The following MEF2C variants were observed in gnomAD, a reference collection of about 807,000 sequenced individuals.
MEF2C encodes myocyte-specific enhancer factor 2C.
MEF2C carries 6 observed loss-of-function variants against 50.5 expected under a neutral mutation model. The ratio of observed to expected loss-of-function variants is 0.12; its 90% CI spans 0.07 to 0.23. The LOEUF is 0.23. MEF2C is among the 10% of genes least tolerant of loss of function. The probability of loss-of-function intolerance (pLI) is 1.00; values close to 1 mark genes in which losing one functional copy is unlikely to be tolerated. For synonymous variants in MEF2C, 183 were observed against 228.0 expected (o/e 0.80, Z 1.78); for missense variants, 276 against 605.0 (o/e 0.46, Z 5.70).
intron 5 of MEF2C, 115 bp from the exon 6 acceptor site, chr5:88,749,232 A>G (rs764614974): frequency 7.4e-5 from 96 of 1,289,532 alleles, no homozygotes; most frequent in Non-Finnish European, 9.1e-5. Flanking sequence ...AAACTTGTAA[A>G]GTACAACCCA....
At chr5:88,853,012 C>T (rs776671173) in intron 1 of MEF2C, among the ~76,000 whole-genome samples, 1 of 151,982 alleles carries the variant, frequency 6.6e-6, no homozygotes, top group Non-Finnish European at 1.5e-5. Flanking sequence ...TTGCTTGAAT[C>T]CACAATTTCA....
intron 1 of MEF2C, among the ~76,000 whole-genome samples, chr5:88,896,658 A>G (rs1835150007): frequency 6.6e-6 from 1 of 152,224 alleles, no homozygotes; most frequent in Non-Finnish European, 1.5e-5. Context: ...ATTTTATATT[A>G]AAAATCATCA....
intron 6 of MEF2C, chr5:88,737,716 A>G (rs1764716355): frequency 1.0e-6 from 1 of 985,272 alleles, no homozygotes; most frequent in East Asian, 1.1e-4. Context: ...AGAGTTTAGA[A>G]GGAGGGGCAT....
intron 1 of MEF2C, among the ~76,000 whole-genome samples, chr5:88,871,914 A>G (rs897894913): frequency 3.3e-5 from 5 of 152,086 alleles, no homozygotes; most frequent in Non-Finnish European, 7.4e-5. Context: ...AAATAGGATA[A>G]TAAGGGTAGC....
chr5:88,764,542 G>A (rs2152708115), intron 3 of MEF2C, among the ~76,000 whole-genome samples: 1 of 150,370 alleles, frequency 6.7e-6, no homozygotes, highest in South Asian at 2.1e-4. Flanking sequence ...AGGCGTGGTG[G>A]CTCTCGCCTG....
chr5:88,865,890 T>C (rs903502105), intron 1 of MEF2C, among the ~76,000 whole-genome samples: 1 of 151,652 alleles, frequency 6.6e-6, no homozygotes, highest in Non-Finnish European at 1.5e-5. Flanking sequence ...GTCACATTTC[T>C]TTTCTTTTTT....
intron 1 of MEF2C, among the ~76,000 whole-genome samples, chr5:88,882,685 G>A (rs891162829): frequency 1.3e-5 from 2 of 152,170 alleles, no homozygotes; most frequent in East Asian, 3.9e-4. Flanking sequence ...CTAACTTCAT[G>A]AAACTTTAAA....
At chr5:88,832,584 T>C (rs927901666) in intron 1 of MEF2C, among the ~76,000 whole-genome samples, 1 of 152,142 alleles carries the variant, frequency 6.6e-6, no homozygotes, top group African/African-American at 2.4e-5. Flanking sequence ...AAAAACAGCC[T>C]CATGAGGAGG....
intron 1 of MEF2C, among the ~76,000 whole-genome samples, chr5:88,849,316 C>G (rs1166480302): frequency 6.6e-6 from 1 of 152,166 alleles, no homozygotes; most frequent in African/African-American, 2.4e-5. Context: ...AGAGCCAGCA[C>G]ACATGATTTT....
chr5:88,834,335 A>G (rs531443317), intron 1 of MEF2C, among the ~76,000 whole-genome samples: 2 of 152,264 alleles, frequency 1.3e-5, no homozygotes, highest in African/African-American at 4.8e-5. Context: ...ACCCTGGCTA[A>G]GTCACTGTAA....
intron 3 of MEF2C, among the ~76,000 whole-genome samples, chr5:88,788,585 T>C (rs1159426068): frequency 2.0e-5 from 3 of 152,196 alleles, no homozygotes; most frequent in Non-Finnish European, 2.9e-5. Context: ...AGGGTTTCTT[T>C]CATAATGGAC....
chr5:88,860,325 T>A (rs1264957894), intron 1 of MEF2C, among the ~76,000 whole-genome samples: 2 of 145,566 alleles, frequency 1.4e-5, no homozygotes, highest in African/African-American at 5.0e-5. Flanking sequence ...TTTGTATGCT[T>A]TTTTTTTTTT....
At chr5:88,828,342 C>G (rs1168097609) in intron 1 of MEF2C, among the ~76,000 whole-genome samples, 1 of 151,958 alleles carries the variant, frequency 6.6e-6, no homozygotes, top group Non-Finnish European at 1.5e-5. Context: ...TAAATAAAAA[C>G]AGCCTATGAA....
chr5:88,782,033 C>CT, intron 3 of MEF2C: 1 of 616,280 alleles, frequency 1.6e-6, no homozygotes, highest in Non-Finnish European at 2.0e-6. Context: ...TCTTTTGATC[C>CT]CAGGAGTTTG....
intron 2 of MEF2C, among the ~76,000 whole-genome samples, chr5:88,808,204 A>C (rs1447794611): frequency 6.6e-6 from 1 of 152,198 alleles, no homozygotes; most frequent in Non-Finnish European, 1.5e-5. Flanking sequence ...TGATATGAAA[A>C]TGTACCTGCA....
At chr5:88,776,532 C>T (rs979280872) in intron 3 of MEF2C, among the ~76,000 whole-genome samples, 12 of 152,248 alleles carry the variant, frequency 7.9e-5, no homozygotes, top group Admixed American at 2.0e-4. Context: ...CAACCCCTTC[C>T]GGCCTCCAGT....
chr5:88,751,431 C>A, intron 5 of MEF2C: 1 of 985,074 alleles, frequency 1.0e-6, no homozygotes, highest in Non-Finnish European at 1.2e-6. Context: ...AAAAATTGAC[C>A]CAAATAATAA....
intron 1 of MEF2C, among the ~76,000 whole-genome samples, chr5:88,836,522 G>C (rs1050437008): frequency 1.3e-5 from 2 of 152,152 alleles, no homozygotes; most frequent in African/African-American, 4.8e-5. Flanking sequence ...GATATGGAAA[G>C]TGAAACTGTC....
intron 1 of MEF2C, among the ~76,000 whole-genome samples, chr5:88,873,418 C>T (rs922895083): frequency 6.6e-6 from 1 of 151,906 alleles, no homozygotes; most frequent in Non-Finnish European, 1.5e-5. Flanking sequence ...CTTGCTTTCA[C>T]GATACCAAAT....
Sources: gnomAD v4.1 joint callset for allele counts (sites outside exome capture counted in the v4.1 genomes callset) on GRCh38, gnomAD v4.1.1 for gene constraint, MANE v1.5 for transcripts, NCBI Gene and HGNC (gene_info 2026-07-23, HGNC 2026-07-21) for gene names.